The following EMCN variants were observed in gnomAD, a reference collection of about 807,000 sequenced individuals.
EMCN encodes endomucin.
EMCN carries 37 observed loss-of-function variants against 38.4 expected under a neutral mutation model. The ratio of observed to expected loss-of-function variants is 0.96; its 90% CI spans 0.74 to 1.27. The LOEUF is 1.27. EMCN is among the 50% of genes most tolerant of loss of function. The pLI, the probability that EMCN is intolerant of heterozygous loss-of-function variation, is 0.00. For missense variants in EMCN, 318 were observed against 302.8 expected, an observed-to-expected ratio of 1.05 and a Z score of -0.37; for synonymous variants, 95 against 100.8, an observed-to-expected ratio of 0.94 and a Z score of 0.35.
chr4:100,510,251 TTGAG>T (rs1193537784), intron 1 of EMCN, among the ~76,000 whole-genome samples: 2 of 152,192 alleles, frequency 1.3e-5, no homozygotes, highest in Non-Finnish European at 2.9e-5. Flanking sequence ...GCTTATTAAT[TTGAG>T]TGATTAGTTT....
intron 1 of EMCN, among the ~76,000 whole-genome samples, chr4:100,497,029 T>C (rs1465775890): frequency 6.6e-6 from 1 of 151,920 alleles, no homozygotes; most frequent in African/African-American, 2.4e-5. Context: ...TGTATTAGCA[T>C]GCTTTGAGAA....
intron 5 of EMCN, among the ~76,000 whole-genome samples, chr4:100,432,227 T>G (rs1415919067): frequency 6.6e-6 from 1 of 151,988 alleles, no homozygotes; most frequent in Non-Finnish European, 1.5e-5. Context: ...TGCCAAGGGG[T>G]CAATTCTTTC....
rs1560606190 is a variant in EMCN, at chr4:100,417,107, GCTTA to G, written c.689+6_689+9del. The G allele has an allele frequency of 6.2e-7, 1 of 1,613,172 alleles. No homozygotes were observed. Among genetic ancestry groups the G allele is most frequent in the Admixed American group, 1.7e-5 (1 of 59,978 alleles). ...AGGGTCTAAACAAAAGATGATATGG[GCTTA>G]CTTACTGATCATTTCCATTTTCTGG... On this transcript the variant is annotated splice_donor_region_variant and intron_variant, in intron 9 of 11. Coordinates refer to ENST00000296420, the MANE Select transcript of EMCN (RefSeq NM_016242.4).
At chr4:100,492,899 A>C (rs983272333) in intron 1 of EMCN, among the ~76,000 whole-genome samples, 1 of 152,178 alleles carries the variant, frequency 6.6e-6, no homozygotes, top group Non-Finnish European at 1.5e-5. Context: ...CTTATCAGCT[A>C]TGTGACCATA....
chr4:100,425,259 G>A (rs1727013895), intron 5 of EMCN, among the ~76,000 whole-genome samples: 1 of 150,638 alleles, frequency 6.6e-6, no homozygotes, highest in Non-Finnish European at 1.5e-5. Context: ...TGATCATATT[G>A]CTGAAATTAT....
chr4:100,453,723 G>A (rs1309365220), intron 4 of EMCN, among the ~76,000 whole-genome samples: 11 of 151,948 alleles, frequency 7.2e-5, no homozygotes, highest in South Asian at 6.2e-4. Context: ...ACATGCACAC[G>A]TATGTTTATT....
chr4:100,396,540 C>CTTTTTTTTTTT lies in EMCN; in HGVS notation c.*1862_*1872dup, dbSNP rs71594584. 2.0e-5 allele frequency: 2 copies of CTTTTTTTTTTT among 99,596 alleles called. No homozygotes were observed. Among genetic ancestry groups the CTTTTTTTTTTT allele is most frequent in the African/African-American group, 4.1e-5 (1 of 24,558 alleles). 6.2% of individuals were successfully genotyped at this position (99,596 alleles called of 1,614,324 possible). A position where few individuals can be genotyped will look rare whatever the true frequency, so the allele number is the denominator to read the frequency against. On this transcript the variant is annotated 3_prime_UTR_variant, in exon 12 of 12. Transcript: ENST00000296420. ...GGACTTTCTTTCTTTCTTTTTTTTC[C>CTTTTTTTTTTT]TTTTTTTTTTTTTTTTTTTTGAGAC...
At chr4:100,461,892 G>GT (rs1372970991) in intron 4 of EMCN, among the ~76,000 whole-genome samples, 14 of 152,286 alleles carry the variant, frequency 9.2e-5, no homozygotes, top group Non-Finnish European at 2.9e-5. Flanking sequence ...TTAACCAACA[G>GT]TAGATTGTTT....
intron 3 of EMCN, among the ~76,000 whole-genome samples, chr4:100,470,839 CA>C (rs1399022388): frequency 6.6e-6 from 1 of 151,852 alleles, no homozygotes; most frequent in Non-Finnish European, 1.5e-5. Context: ...ATGATGAGAA[CA>C]CATGAACACA....
At chr4:100,432,548 G>T (rs914089851) in intron 5 of EMCN, among the ~76,000 whole-genome samples, 1 of 152,124 alleles carries the variant, frequency 6.6e-6, no homozygotes, top group Non-Finnish European at 1.5e-5. Context: ...GTTAATGGTG[G>T]TTGATTAAAT....
chr4:100,402,827 T>C (rs919460301), intron 11 of EMCN, among the ~76,000 whole-genome samples: 2 of 152,024 alleles, frequency 1.3e-5, no homozygotes, highest in African/African-American at 4.8e-5. Flanking sequence ...TCTTTTTTCT[T>C]TTTTTTCCAA....
chr4:100,477,793 CT>C (rs3836629), intron 2 of EMCN, among the ~76,000 whole-genome samples: 41,224 of 151,098 alleles, frequency 0.27, 6,122 homozygotes, highest in African/African-American at 0.38. Flanking sequence ...CTACAGATAC[CT>C]TTTTTTTTGT....
At chr4:100,412,309 C>T (rs3822068) in intron 10 of EMCN, among the ~76,000 whole-genome samples, 26,354 of 152,022 alleles carry the variant, frequency 0.17, 3,803 homozygotes, top group East Asian at 0.77. Flanking sequence ...TGAACTTAAC[C>T]TTAAGTTATT....
intron 11 of EMCN, among the ~76,000 whole-genome samples, chr4:100,406,284 T>C (rs553144191): frequency 1.2e-4 from 19 of 152,146 alleles, no homozygotes; most frequent in African/African-American, 4.6e-4. Context: ...GCTGTGGGAT[T>C]AGTTTGTTCT....
chr4:100,474,167 G>T (rs1728571803), intron 3 of EMCN: 1 of 152,162 alleles, frequency 6.6e-6, no homozygotes, highest in African/African-American at 2.4e-5. Flanking sequence ...TCGACAATAA[G>T]AGGACAAATA....
chr4:100,480,098 A>T (rs1728767915), intron 1 of EMCN, 59 bp from the exon 2 acceptor site: 1 of 1,475,094 alleles, frequency 6.8e-7, no homozygotes, highest in Non-Finnish European at 9.3e-7. Context: ...TTAATAGACT[A>T]GTATATTTAA....
At chr4:100,401,521 G>C (rs192613757) in intron 11 of EMCN, among the ~76,000 whole-genome samples, 57 of 152,102 alleles carry the variant, frequency 3.7e-4, no homozygotes, top group Middle Eastern at 3.4e-3. Flanking sequence ...ATACAGAGAG[G>C]CAATTGTAAA....
intron 10 of EMCN, among the ~76,000 whole-genome samples, 180 bp from the exon 11 acceptor site, chr4:100,410,535 T>C (rs1433726263): frequency 1.3e-5 from 2 of 152,322 alleles, no homozygotes; most frequent in East Asian, 3.9e-4. Context: ...ATATGAACTT[T>C]TCCCAGACAT....
At chr4:100,400,349 C>A (rs992506205) in intron 11 of EMCN, among the ~76,000 whole-genome samples, 1 of 117,854 alleles carries the variant, frequency 8.5e-6, no homozygotes, top group African/African-American at 3.2e-5. Flanking sequence ...TTCACCTAGG[C>A]CACATTTTTT....
Sources: gnomAD v4.1 joint callset for allele counts (sites outside exome capture counted in the v4.1 genomes callset) on GRCh38, gnomAD v4.1.1 for gene constraint, MANE v1.5 for transcripts, NCBI Gene and HGNC (gene_info 2026-07-23, HGNC 2026-07-21) for gene names.